The following KCNJ3 variants were observed in gnomAD, a reference collection of about 807,000 sequenced individuals.
KCNJ3 encodes G protein-activated inward rectifier potassium channel 1.
Under a neutral mutation model 39.2 loss-of-function variants are expected in KCNJ3, and 4 were observed. That is an observed-to-expected ratio of 0.10 (90% confidence interval 0.05 to 0.23). The LOEUF (loss-of-function observed/expected upper bound fraction) is 0.23. KCNJ3 is among the 10% of genes least tolerant of loss of function. KCNJ3 has a pLI of 1.00. For missense variants in KCNJ3, 276 were observed against 634.9 expected (o/e 0.43, Z 6.08); for synonymous variants, 230 against 237.4 (o/e 0.97, Z 0.29).
intron 2 of KCNJ3, among the ~76,000 whole-genome samples, chr2:154,754,060 T>C (rs1252900455): frequency 6.6e-6 from 1 of 152,154 alleles, no homozygotes; most frequent in African/African-American, 2.4e-5. Context: ...CTTTTTACTT[T>C]AGAATAGTTT....
intron 2 of KCNJ3, among the ~76,000 whole-genome samples, chr2:154,751,790 C>T (rs1685849204): frequency 6.6e-6 from 1 of 151,972 alleles, no homozygotes; most frequent in Admixed American, 6.6e-5. Flanking sequence ...TCTTCTGAGG[C>T]CTCTGCTTGG....
chr2:154,788,105 G>T (rs1284540177), intron 2 of KCNJ3, among the ~76,000 whole-genome samples: 2 of 152,118 alleles, frequency 1.3e-5, no homozygotes, highest in Non-Finnish European at 2.9e-5. Flanking sequence ...TGCTTGGACA[G>T]AGCATAGAAG....
chr2:154,786,155 G>T (rs1686525292), intron 2 of KCNJ3, among the ~76,000 whole-genome samples: 1 of 152,184 alleles, frequency 6.6e-6, no homozygotes, highest in East Asian at 1.9e-4. Context: ...CCTTTGGAAA[G>T]TGTTTCAGAT....
rs568800154 is a variant in KCNJ3 at position 154,828,006 on chromosome 2, C to T, written c.920-26721C>T. Among the ~76,000 whole-genome samples the T allele has an allele frequency of 2.1e-4, 32 of 152,200 alleles. No homozygotes were observed. The East Asian group carries it at 5.6e-3, about 27-fold the overall frequency. On this transcript the variant is annotated intron_variant, in intron 2 of 2. Coordinates refer to ENST00000295101, the MANE Select transcript of KCNJ3 (RefSeq NM_002239.4). ...TATTCTTGTGTTAGATGAAAGAACA[C>T]ATAATTTTTGACTTCTATACTTCAT...
chr2:154,765,092 A>G (rs1276397728), intron 2 of KCNJ3, among the ~76,000 whole-genome samples: 1 of 152,190 alleles, frequency 6.6e-6, no homozygotes, highest in Non-Finnish European at 1.5e-5. Context: ...TATGCATTTT[A>G]GGTGTTTAGC....
chr2:154,840,319 A>T (rs2105128773), intron 2 of KCNJ3, among the ~76,000 whole-genome samples: 1 of 152,306 alleles, frequency 6.6e-6, no homozygotes, highest in Admixed American at 6.5e-5. Context: ...TGGTAGCAGT[A>T]CCATGCTGTT....
intron 1 of KCNJ3, among the ~76,000 whole-genome samples, chr2:154,704,651 A>C (rs1004160700): frequency 2.6e-5 from 4 of 152,122 alleles, no homozygotes; most frequent in African/African-American, 9.7e-5. Flanking sequence ...AATTGTAGAC[A>C]ATGCCAATAA....
intron 1 of KCNJ3, among the ~76,000 whole-genome samples, chr2:154,705,975 A>T (rs948080735): frequency 3.9e-5 from 6 of 152,132 alleles, no homozygotes; most frequent in African/African-American, 1.4e-4. Flanking sequence ...ATTATCTTCT[A>T]AATTTTTAAG....
At chr2:154,824,327 T>G (rs1280556141) in intron 2 of KCNJ3, among the ~76,000 whole-genome samples, 1 of 151,980 alleles carries the variant, frequency 6.6e-6, no homozygotes, top group Non-Finnish European at 1.5e-5. Context: ...CAGAGTGAGA[T>G]CTCATCTCAA....
At chr2:154,754,772 A>T (rs1464465536) in intron 2 of KCNJ3, among the ~76,000 whole-genome samples, 1 of 152,142 alleles carries the variant, frequency 6.6e-6, no homozygotes, top group Non-Finnish European at 1.5e-5. Flanking sequence ...TTATAAAACT[A>T]GTTGGTAAAA....
chr2:154,748,448 A>G (rs1685783573), intron 2 of KCNJ3, among the ~76,000 whole-genome samples: 1 of 151,644 alleles, frequency 6.6e-6, no homozygotes, highest in Non-Finnish European at 1.5e-5. Flanking sequence ...AGTTTCTGTT[A>G]AAAACTAGGT....
chr2:154,775,843 G>A (rs1468470894), intron 2 of KCNJ3, among the ~76,000 whole-genome samples: 1 of 152,014 alleles, frequency 6.6e-6, no homozygotes, highest in Non-Finnish European at 1.5e-5. Flanking sequence ...CAGGAGAAGG[G>A]GTTGATGTAA....
At chr2:154,741,856 T>C (rs944853353) in intron 2 of KCNJ3, among the ~76,000 whole-genome samples, 1 of 151,954 alleles carries the variant, frequency 6.6e-6, no homozygotes, top group Non-Finnish European at 1.5e-5. Context: ...GTTTTCAGCG[T>C]ACAAATCCTG....
At chr2:154,755,364 G>A (rs904468193) in intron 2 of KCNJ3, among the ~76,000 whole-genome samples, 2 of 151,272 alleles carry the variant, frequency 1.3e-5, no homozygotes, top group African/African-American at 4.9e-5. Context: ...AGTATTCTCT[G>A]GTTTTCATTT....
chr2:154,730,717 T>G (rs564384374), intron 2 of KCNJ3, among the ~76,000 whole-genome samples: 17 of 152,212 alleles, frequency 1.1e-4, no homozygotes, highest in African/African-American at 3.1e-4. Context: ...CATCAAATTT[T>G]ATTGTAACCT....
chr2:154,711,231 T>C (rs188810852), intron 2 of KCNJ3, among the ~76,000 whole-genome samples: 1 of 152,238 alleles, frequency 6.6e-6, no homozygotes, highest in African/African-American at 2.4e-5. Context: ...AACCAATATA[T>C]AAAGGCTCGT....
intron 2 of KCNJ3, among the ~76,000 whole-genome samples, chr2:154,798,216 A>T (rs1686754336): frequency 8.0e-6 from 1 of 124,520 alleles, no homozygotes; most frequent in Non-Finnish European, 1.8e-5. Flanking sequence ...ACACACACAC[A>T]CACACGCACA....
chr2:154,841,900 T>C (rs1687583359), intron 2 of KCNJ3, among the ~76,000 whole-genome samples: 1 of 152,156 alleles, frequency 6.6e-6, no homozygotes, highest in Non-Finnish European at 1.5e-5. Context: ...CTGGATTCAT[T>C]GATTTTTTTG....
intron 2 of KCNJ3, among the ~76,000 whole-genome samples, chr2:154,763,363 G>A (rs1434108622): frequency 6.6e-6 from 1 of 151,732 alleles, no homozygotes; most frequent in Non-Finnish European, 1.5e-5. Flanking sequence ...CACAGGCCTA[G>A]GCTGCTTGGA....
Sources: allele counts gnomAD v4.1 joint callset (sites outside exome capture counted in the v4.1 genomes callset), GRCh38; gene constraint gnomAD v4.1.1; transcripts MANE v1.5; gene names NCBI Gene and HGNC (gene_info 2026-07-23, HGNC 2026-07-21).